XPO4: variants seen among roughly 807,000 people sequenced by gnomAD.
XPO4 encodes the protein exportin-4.
Under a neutral mutation model 143.0 loss-of-function variants are expected in XPO4, and 39 were observed. That is an observed-to-expected ratio of 0.27 (90% CI 0.21 to 0.36). The LOEUF (loss-of-function observed/expected upper bound fraction) is 0.36. Ranked by LOEUF, XPO4 falls within the 10% of genes least tolerant of loss-of-function variation. XPO4 has a pLI of 1.00. For synonymous variants in XPO4, 439 were observed against 474.0 expected, an observed-to-expected ratio of 0.93 and a Z score of 0.96; for missense variants, 907 against 1,348.0, an observed-to-expected ratio of 0.67 and a Z score of 5.12.
intron 3 of XPO4, chr13:20,856,729 A>G (rs1234447636): frequency 1.7e-6 from 1 of 605,758 alleles, no homozygotes; most frequent in African/African-American, 2.0e-5. Flanking sequence ...CCTCTCCTTG[A>G]CTTCTGCCCT....
At chr13:20,851,456 C>T (rs975920077) in intron 4 of XPO4, 2 of 984,286 alleles carry the variant, frequency 2.0e-6, no homozygotes, top group African/African-American at 3.5e-5. Flanking sequence ...TGGCTCACAC[C>T]TATAATCTTT....
chr13:20,808,171 T>C (rs573161279), intron 12 of XPO4, among the ~76,000 whole-genome samples: 16 of 152,226 alleles, frequency 1.1e-4, no homozygotes, highest in Admixed American at 4.6e-4. Flanking sequence ...ATAATGACGA[T>C]GATGATGATA....
chr13:20,838,583 G>A (rs1168270664), intron 6 of XPO4, among the ~76,000 whole-genome samples: 2 of 145,744 alleles, frequency 1.4e-5, no homozygotes, highest in Non-Finnish European at 3.0e-5. Flanking sequence ...GCACTCCAGC[G>A]TGGGCAACAC....
At chr13:20,838,113 C>T (rs1275002243) in intron 6 of XPO4, among the ~76,000 whole-genome samples, 2 of 152,096 alleles carry the variant, frequency 1.3e-5, no homozygotes, top group Admixed American at 6.5e-5. Context: ...TTTGCATGAG[C>T]GTAAATCTTG....
intron 1 of XPO4, among the ~76,000 whole-genome samples, chr13:20,873,561 T>C (rs1796218841): frequency 6.6e-6 from 1 of 152,220 alleles, no homozygotes; most frequent in South Asian, 2.1e-4. Context: ...TTTTGGCTTC[T>C]TCCTCTATCG....
At chr13:20,809,009 A>T (rs2059541782) in intron 11 of XPO4, 74 bp downstream of exon 11, 3 of 1,531,260 alleles carry the variant, frequency 2.0e-6, no homozygotes, top group African/African-American at 1.4e-5. Flanking sequence ...AAGTCTTTAA[A>T]CACTTTAAGT....
At chr13:20,891,306 G>C (rs558710330) in intron 1 of XPO4, among the ~76,000 whole-genome samples, 5 of 152,116 alleles carry the variant, frequency 3.3e-5, no homozygotes, top group African/African-American at 1.2e-4. Context: ...CATCAGCACA[G>C]AAAGTTCTAT....
At chr13:20,875,350 C>G (rs1356049390) in intron 1 of XPO4, among the ~76,000 whole-genome samples, 1 of 152,108 alleles carries the variant, frequency 6.6e-6, no homozygotes, top group African/African-American at 2.4e-5. Context: ...AGGTTTTGGG[C>G]CTTTCTAGCA....
chr13:20,787,126 C>CA, intron 21 of XPO4, 69 bp from the exon 22 acceptor site: 1 of 1,285,630 alleles, frequency 7.8e-7, no homozygotes, highest in Non-Finnish European at 1.1e-6. Context: ...CTCCCCAGTC[C>CA]AAAAAAGAAG....
chr13:20,805,517 A>C (rs1053586921), intron 13 of XPO4, among the ~76,000 whole-genome samples: 2 of 152,012 alleles, frequency 1.3e-5, no homozygotes, highest in Non-Finnish European at 2.9e-5. Context: ...TTTGCTTGGA[A>C]TGCTCTCCCC....
intron 13 of XPO4, 112 bp downstream of exon 13, chr13:20,807,345 T>C (rs2059521081): frequency 4.5e-6 from 5 of 1,106,054 alleles, no homozygotes; most frequent in Non-Finnish European, 5.1e-6. Flanking sequence ...TTTTCATTTT[T>C]TTCATGTATC....
chr13:20,789,607 A>C (rs1316157407), intron 19 of XPO4, among the ~76,000 whole-genome samples: 1 of 149,070 alleles, frequency 6.7e-6, no homozygotes, highest in Non-Finnish European at 1.5e-5. Context: ...GCGGGGTTTC[A>C]CCATGTTAGC....
chr13:20,847,648 A>G (rs1454457879), intron 4 of XPO4, among the ~76,000 whole-genome samples: 1 of 152,126 alleles, frequency 6.6e-6, no homozygotes, highest in South Asian at 2.1e-4. Flanking sequence ...GCCTTTGTCA[A>G]AGTCAGAGCT....
chr13:20,810,100 T>C, intron 9 of XPO4, 133 bp from the exon 10 acceptor site: 1 of 692,872 alleles, frequency 1.4e-6, no homozygotes, highest in South Asian at 4.4e-5. Flanking sequence ...AAGTTTTTAT[T>C]GAACTTTCTA....
At chr13:20,882,333 TGG>T (rs2060419299) in intron 1 of XPO4, among the ~76,000 whole-genome samples, 1 of 152,094 alleles carries the variant, frequency 6.6e-6, no homozygotes, top group African/African-American at 2.4e-5. Flanking sequence ...GCTCAGCTTC[TGG>T]TGAGACCAAG....
rs532625237 is a variant in XPO4 at position 20,896,029 on chromosome 13, T to C, written c.69+6641A>G. On this transcript the variant is annotated intron_variant, in intron 1 of 22. Coordinates refer to ENST00000255305, the MANE Select transcript of XPO4 (RefSeq NM_022459.5). ...GAAATAGCTGGGGGTCAGCTATATA[T>C]TGAAGGCTCTTGTATCGAAAACTTG... is the stretch of plus-strand genomic sequence containing the variant. Among the ~76,000 whole-genome samples, 65 of 152,328 alleles carry C rather than the reference T, an allele frequency of 4.3e-4. 1 individual carries two copies. The highest frequency in any genetic ancestry group is 2.5e-3 in the South Asian group (12 of 4,826).
At chr13:20,827,839 C>G (rs962861758) in intron 6 of XPO4, among the ~76,000 whole-genome samples, 8 of 152,190 alleles carry the variant, frequency 5.3e-5, no homozygotes, top group Middle Eastern at 3.2e-3. Context: ...AAACATGCTT[C>G]AAACAGAATA....
rs796547788 is a variant in XPO4 at position 20,897,470 on chromosome 13, TC to T, written c.69+5199del. Among the ~76,000 whole-genome samples, 7 of 152,300 alleles carry T rather than the reference TC, an allele frequency of 4.6e-5. No individual in the cohort carries two copies. In the South Asian group the frequency reaches 1.4e-3, roughly 32 times the overall value. On this transcript the variant is annotated intron_variant, in intron 1 of 22. Coordinates refer to ENST00000255305, the MANE Select transcript of XPO4 (RefSeq NM_022459.5). ...CCTATTCCAAGAAGCCCTTTCTCAG[TC>T]CCTATCTCAGCCTGAGATAGATGTT... is the stretch of plus-strand genomic sequence containing the variant.
chr13:20,842,550 C>T (rs1279970765), intron 6 of XPO4, among the ~76,000 whole-genome samples: 2 of 152,038 alleles, frequency 1.3e-5, no homozygotes, highest in Non-Finnish European at 2.9e-5. Context: ...AATTACTTGT[C>T]CAAGGAAAAA....
Sources: gnomAD v4.1 joint callset for allele counts (sites outside exome capture counted in the v4.1 genomes callset) on GRCh38, gnomAD v4.1.1 for gene constraint, MANE v1.5 for transcripts, NCBI Gene and HGNC (gene_info 2026-07-23, HGNC 2026-07-21) for gene names.